The following PDE11A variants were observed in gnomAD, a reference collection of about 807,000 sequenced individuals.
The protein encoded by PDE11A is phosphodiesterase 11A.
A neutral mutation model predicts 100.5 loss-of-function variants in PDE11A; 100 were observed. The observed-to-expected ratio is 1.00, with a 90% CI of 0.85 to 1.18. The LOEUF (loss-of-function observed/expected upper bound fraction) is 1.18. PDE11A is among the 50% of genes most tolerant of loss of function. PDE11A has a pLI of 0.00. For missense variants in PDE11A, 1,141 were observed against 1,152.6 expected, an observed-to-expected ratio of 0.99 and a Z score of 0.15; for synonymous variants, 381 against 420.8, an observed-to-expected ratio of 0.91 and a Z score of 1.16.
intron 2 of PDE11A, among the ~76,000 whole-genome samples, chr2:177,920,935 G>A (rs981702337): frequency 3.3e-5 from 5 of 151,792 alleles, no homozygotes; most frequent in Admixed American, 2.0e-4. Flanking sequence ...GGTGGTGGGC[G>A]CCTGTAGTCC....
At chr2:178,039,661 A>G (rs1163954796) in intron 1 of PDE11A, among the ~76,000 whole-genome samples, 2 of 151,878 alleles carry the variant, frequency 1.3e-5, no homozygotes, top group Non-Finnish European at 2.9e-5. Flanking sequence ...GCAAAAAATA[A>G]AAATAAATAA....
chr2:178,037,264 GA>G (rs1293563386), intron 1 of PDE11A, among the ~76,000 whole-genome samples: 1 of 151,896 alleles, frequency 6.6e-6, no homozygotes, highest in Non-Finnish European at 1.5e-5. Context: ...CAACAAACGT[GA>G]AAAAAAGCTC....
chr2:177,910,171 C>T (rs1320824442), intron 2 of PDE11A, among the ~76,000 whole-genome samples: 2 of 152,136 alleles, frequency 1.3e-5, no homozygotes, highest in South Asian at 2.1e-4. Context: ...AAATGTTCTA[C>T]CCTGTGTCAT....
intron 9 of PDE11A, among the ~76,000 whole-genome samples, chr2:177,810,727 G>A (rs2082937913): frequency 6.6e-6 from 1 of 152,164 alleles, no homozygotes; most frequent in African/African-American, 2.4e-5. Context: ...TCTTTAATAG[G>A]TAATGGGGGA....
At chr2:177,999,750 A>G (rs1035477426) in intron 2 of PDE11A, among the ~76,000 whole-genome samples, 105 of 152,322 alleles carry the variant, frequency 6.9e-4, no homozygotes, top group Non-Finnish European at 5.6e-4. Context: ...GGTGTCAATT[A>G]ATTCTTGTGA....
rs1176683130 is a variant in PDE11A, at chr2:178,072,388, C to G, written c.50G>C (p.Arg17Thr). The G allele has an allele frequency of 1.2e-6, 2 of 1,613,694 alleles. No individual in the cohort carries two copies. Among genetic ancestry groups the G allele is most frequent in the Non-Finnish European group, 1.7e-6 (2 of 1,180,056 alleles). The change falls in exon 1 of 20, where the codon AGG (arginine) becomes ACG (threonine). Residue 17 changes from arginine (R) to threonine (T), a missense_variant. By Grantham distance (71) the Arg-to-Thr change is moderately conservative (BLOSUM62 -1). Coordinates refer to ENST00000286063, the MANE Select transcript of PDE11A (RefSeq NM_016953.4). ...GTAATCTTCAAACAACTCTGGGTGC[C>G]TGTCCAGGAAAGTTTCCACCTCCCC... ...DFGEVETFLD[R>T]HPELFEDYLM...
At chr2:177,774,954 A>C (rs1327353424) in intron 9 of PDE11A, among the ~76,000 whole-genome samples, 1 of 152,206 alleles carries the variant, frequency 6.6e-6, no homozygotes, top group Non-Finnish European at 1.5e-5. Context: ...GCTTTGCTTC[A>C]TGTAATCACA....
chr2:177,779,686 A>G (rs2082425312), intron 9 of PDE11A, among the ~76,000 whole-genome samples: 1 of 152,164 alleles, frequency 6.6e-6, no homozygotes, highest in Non-Finnish European at 1.5e-5. Context: ...TCCACTTGTA[A>G]TTCTAGTTCT....
At chr2:177,782,297 G>T (rs1273067042) in intron 9 of PDE11A, among the ~76,000 whole-genome samples, 1 of 152,058 alleles carries the variant, frequency 6.6e-6, no homozygotes, top group African/African-American at 2.4e-5. Flanking sequence ...TGAGAGGTGG[G>T]GTCTATGTCC....
In PDE11A at chr2:177,917,195, C is replaced by CA. The variant is rs66967582; in HGVS notation, c.1072-12009dup. Among the ~76,000 whole-genome samples the CA allele has an allele frequency of 1.3e-3, 187 of 149,570 alleles. 1 individual carries two copies. In the East Asian group the frequency reaches 0.023, roughly 19 times the overall value. ...GCCTCCAAAACCACCCTATATGTGCCAAAAAAAAAATTAAAGTTCAAATCA... is the reference window on the plus strand; with the variant it reads ...GCCTCCAAAACCACCCTATATGTGCCAAAAAAAAAAATTAAAGTTCAAATCA... On this transcript the variant is annotated intron_variant, in intron 2 of 19. Transcript: ENST00000286063.
intron 5 of PDE11A, among the ~76,000 whole-genome samples, chr2:177,841,416 T>G (rs753044146): frequency 6.6e-6 from 1 of 152,238 alleles, no homozygotes; most frequent in South Asian, 2.1e-4. Context: ...TTTCATGAGA[T>G]GTTAAATGAG....
intron 6 of PDE11A, among the ~76,000 whole-genome samples, chr2:177,822,447 C>A (rs190113869): frequency 6.6e-6 from 1 of 152,144 alleles, no homozygotes; most frequent in African/African-American, 2.4e-5. Context: ...TTCCATTGAT[C>A]TAGGTATCTA....
intron 2 of PDE11A, among the ~76,000 whole-genome samples, chr2:177,922,459 T>C (rs1166054240): frequency 6.6e-6 from 1 of 151,968 alleles, no homozygotes; most frequent in Non-Finnish European, 1.5e-5. Context: ...AAAAAAAGAA[T>C]ATATAACAAC....
chr2:177,696,909 A>AGAT lies in PDE11A; in HGVS notation c.2345+420_2345+422dup, dbSNP rs370364187. Among the ~76,000 whole-genome samples the AGAT allele has an allele frequency of 2.0e-3, 308 of 152,342 alleles. 2 individuals carry two copies. The highest frequency in any genetic ancestry group is 7.1e-3 in the African/African-American group (295 of 41,576). Reference sequence around the variant, plus strand: ...AGGAGAGAAAGCCCTTCTAAGAAAGAGATAGAAAAGAATCAAGGAATGAAC... The same window carrying AGAT: ...AGGAGAGAAAGCCCTTCTAAGAAAGAGATGATAGAAAAGAATCAAGGAATGAAC... On this transcript the variant is annotated intron_variant, in intron 15 of 19. Coordinates refer to ENST00000286063, the MANE Select transcript of PDE11A (RefSeq NM_016953.4).
At chr2:177,968,969 G>GT (rs2085733304) in intron 2 of PDE11A, among the ~76,000 whole-genome samples, 1 of 152,176 alleles carries the variant, frequency 6.6e-6, no homozygotes, top group African/African-American at 2.4e-5. Context: ...ACATACACAT[G>GT]TATGTTTATT....
At chr2:178,059,336 C>T (rs1385741451) in intron 1 of PDE11A, among the ~76,000 whole-genome samples, 3 of 152,074 alleles carry the variant, frequency 2.0e-5, no homozygotes, top group Admixed American at 1.3e-4. Context: ...GTCCCCACCC[C>T]AGGCCGGCAG....
At chr2:177,833,224 T>C (rs2083339217) in intron 6 of PDE11A, among the ~76,000 whole-genome samples, 1 of 152,312 alleles carries the variant, frequency 6.6e-6, no homozygotes, top group Non-Finnish European at 1.5e-5. Context: ...CTGGCCACTC[T>C]TATCATACTG....
chr2:177,666,222 AC>A (rs1331875588), intron 18 of PDE11A, among the ~76,000 whole-genome samples: 1 of 152,200 alleles, frequency 6.6e-6, no homozygotes, highest in East Asian at 1.9e-4. Context: ...TTCAAGGTTT[AC>A]CCATGTAGCA....
intron 10 of PDE11A, among the ~76,000 whole-genome samples, chr2:177,740,520 A>G (rs1479731118): frequency 6.6e-6 from 1 of 152,248 alleles, no homozygotes; most frequent in Non-Finnish European, 1.5e-5. Flanking sequence ...TAGCCTCCAT[A>G]GCACAGATGA....
Sources: gnomAD v4.1 joint callset for allele counts (sites outside exome capture counted in the v4.1 genomes callset) on GRCh38, gnomAD v4.1.1 for gene constraint, MANE v1.5 for transcripts, NCBI Gene and HGNC (gene_info 2026-07-23, HGNC 2026-07-21) for gene names.